Variants in NME7 observed in about 807,000 individuals in gnomAD.
NME7 encodes nucleoside diphosphate kinase 7.
A neutral mutation model predicts 49.1 loss-of-function variants in NME7; 41 were observed. The observed-to-expected ratio is 0.83, with a 90% CI of 0.65 to 1.08. The LOEUF is 1.08. Ranked by LOEUF, NME7 falls within the 50% of genes least tolerant of loss-of-function variation. The probability of loss-of-function intolerance (pLI) is 0.00; values close to 1 mark genes in which losing one functional copy is unlikely to be tolerated. For synonymous variants in NME7, 139 were observed against 150.6 expected, an observed-to-expected ratio of 0.92 and a Z score of 0.56; for missense variants, 423 against 463.4, an observed-to-expected ratio of 0.91 and a Z score of 0.80.
intron 1 of NME7, among the ~76,000 whole-genome samples, chr1:169,352,491 C>A (rs1046824026): frequency 2.0e-5 from 3 of 152,048 alleles, no homozygotes; most frequent in Non-Finnish European, 4.4e-5. Flanking sequence ...AGGGGAAAAA[C>A]TGAAAGCATT....
At chr1:169,276,391 C>T (rs4916249) in intron 7 of NME7, among the ~76,000 whole-genome samples, 2,433 of 133,172 alleles carry the variant, frequency 0.018, 310 homozygotes, top group African/African-American at 0.058. Flanking sequence ...TTCAGAGATT[C>T]GACTTCTTCC....
At chr1:169,299,876 A>G (rs2101908296) in intron 5 of NME7, among the ~76,000 whole-genome samples, 1 of 152,262 alleles carries the variant, frequency 6.6e-6, no homozygotes, top group Middle Eastern at 3.4e-3. Context: ...ATTTAAAAAA[A>G]CCCAAATCAA....
chr1:169,140,117 T>C (rs1658546388), intron 11 of NME7, among the ~76,000 whole-genome samples: 1 of 151,756 alleles, frequency 6.6e-6, no homozygotes, highest in South Asian at 2.1e-4. Flanking sequence ...CTGTTAAATA[T>C]TATAAATAAT....
At chr1:169,277,449 T>C (rs1296671456) in intron 7 of NME7, among the ~76,000 whole-genome samples, 1 of 123,274 alleles carries the variant, frequency 8.1e-6, no homozygotes, top group African/African-American at 2.8e-5. Flanking sequence ...AATGGCCTTC[T>C]TTGTCTCTTT....
intron 11 of NME7, among the ~76,000 whole-genome samples, chr1:169,152,231 G>GATAATA (rs35682595): frequency 1.3e-5 from 2 of 151,622 alleles, no homozygotes; most frequent in East Asian, 3.9e-4. Flanking sequence ...AATTTAAAAA[G>GATAATA]ATAATAATAA....
chr1:169,257,001 T>G (rs1648970444), intron 7 of NME7, among the ~76,000 whole-genome samples: 2 of 129,536 alleles, frequency 1.5e-5, no homozygotes, highest in Non-Finnish European at 3.6e-5. Flanking sequence ...TCTGCAGAGG[T>G]TACTGCTGTC....
intron 11 of NME7, among the ~76,000 whole-genome samples, chr1:169,158,621 T>C (rs1008354708): frequency 2.0e-5 from 3 of 152,116 alleles, no homozygotes; most frequent in African/African-American, 7.2e-5. Context: ...AAAAAAACTC[T>C]ATAGGTGATT....
At chr1:169,208,179 A>G (rs781715416) in intron 10 of NME7, among the ~76,000 whole-genome samples, 28 of 152,138 alleles carry the variant, frequency 1.8e-4, no homozygotes, top group South Asian at 4.1e-4. Flanking sequence ...CATTTAATAT[A>G]TGTCTATTAT....
intron 10 of NME7, among the ~76,000 whole-genome samples, chr1:169,213,011 A>C (rs1271647348): frequency 6.6e-6 from 1 of 152,096 alleles, no homozygotes; most frequent in African/African-American, 2.4e-5. Context: ...TATTTAAAAC[A>C]GTTCCTGAGC....
chr1:169,195,708 A>G (rs1031541433), intron 10 of NME7, among the ~76,000 whole-genome samples: 1 of 152,198 alleles, frequency 6.6e-6, no homozygotes, highest in African/African-American at 2.4e-5. Context: ...ACAATACAGA[A>G]TGGACATTTA....
chr1:169,325,575 T>C (rs1652029910), intron 1 of NME7, among the ~76,000 whole-genome samples: 1 of 152,088 alleles, frequency 6.6e-6, no homozygotes, highest in Non-Finnish European at 1.5e-5. Flanking sequence ...CCAAAGATCT[T>C]CATTATAATA....
At chr1:169,160,835 C>T (rs1036641977) in intron 11 of NME7, among the ~76,000 whole-genome samples, 2 of 152,170 alleles carry the variant, frequency 1.3e-5, no homozygotes, top group African/African-American at 2.4e-5. Context: ...CACAGGCTAC[C>T]TTTCACATCC....
chr1:169,297,316 A>C (rs1650750495), intron 6 of NME7, among the ~76,000 whole-genome samples: 1 of 152,164 alleles, frequency 6.6e-6, no homozygotes, highest in African/African-American at 2.4e-5. Context: ...GATCCTTTTA[A>C]ATGGCAAGTG....
At chr1:169,311,179 G>A (rs1048783664) in intron 3 of NME7, among the ~76,000 whole-genome samples, 2 of 152,058 alleles carry the variant, frequency 1.3e-5, no homozygotes, top group Admixed American at 6.6e-5. Context: ...AGCACTTTGG[G>A]AGGCCGAGGC....
chr1:169,274,959 T>G (rs1220353331), intron 7 of NME7, among the ~76,000 whole-genome samples: 1 of 133,016 alleles, frequency 7.5e-6, no homozygotes, highest in Admixed American at 7.4e-5. Flanking sequence ...GGCTCTTTTT[T>G]GGTTCCATAT....
At chr1:169,351,526 C>T (rs138472971) in intron 1 of NME7, among the ~76,000 whole-genome samples, 65 of 148,324 alleles carry the variant, frequency 4.4e-4, no homozygotes, top group Admixed American at 4.3e-3. Flanking sequence ...TAGAAAATTA[C>T]AAAACCTGGA....
intron 7 of NME7, among the ~76,000 whole-genome samples, chr1:169,267,901 A>G (rs1649366416): frequency 7.4e-6 from 1 of 134,382 alleles, no homozygotes; most frequent in South Asian, 2.3e-4. Flanking sequence ...CATGACAAAA[A>G]TGCCAAAAGC....
intron 7 of NME7, among the ~76,000 whole-genome samples, chr1:169,281,209 TTAG>T (rs565991405): frequency 7.2e-5 from 11 of 152,160 alleles, no homozygotes; most frequent in Non-Finnish European, 1.6e-4. Context: ...TTTTATTCTC[TTAG>T]TAGCAACTGT....
At chr1:169,246,550 A>G (rs1648323767) in intron 7 of NME7, among the ~76,000 whole-genome samples, 1 of 152,210 alleles carries the variant, frequency 6.6e-6, no homozygotes, top group East Asian at 1.9e-4. Context: ...ATTTCCTAAC[A>G]AGAACAAGCT....
Sources: gnomAD v4.1 joint callset for allele counts (sites outside exome capture counted in the v4.1 genomes callset) on GRCh38, gnomAD v4.1.1 for gene constraint, MANE v1.5 for transcripts, NCBI Gene and HGNC (gene_info 2026-07-23, HGNC 2026-07-21) for gene names.